The following ACAN variants were observed in gnomAD, a reference collection of about 807,000 sequenced individuals.
ACAN encodes aggrecan, also known as aggrecan core protein.
ACAN carries 47 observed loss-of-function variants against 169.1 expected under a neutral mutation model. That is an observed-to-expected ratio of 0.28 (90% CI 0.22 to 0.35). The LOEUF (loss-of-function observed/expected upper bound fraction) is 0.35, where lower values mean the gene tolerates loss of function less well. ACAN is among the 10% of genes least tolerant of loss of function. ACAN has a pLI of 1.00. For synonymous variants in ACAN, 1,115 were observed against 1,112.2 expected (o/e 1.00, Z -0.05); for missense variants, 2,716 against 2,759.9 (o/e 0.98, Z 0.36).
At chr15:88,842,846 T>A (rs184542637) in intron 5 of ACAN, among the ~76,000 whole-genome samples, 1 of 152,058 alleles carries the variant, frequency 6.6e-6, no homozygotes, top group East Asian at 1.9e-4. Flanking sequence ...TTTTGGGAAA[T>A]TTTTTTTAAG....
At position 88,851,439 on chromosome 15, in the gene ACAN, T is replaced by A; in HGVS notation, c.2027-355T>A. On this transcript the variant is annotated intron_variant, in intron 10 of 18. Coordinates refer to ENST00000560601, the MANE Select transcript of ACAN (RefSeq NM_001369268.1). The surrounding 1 kb of genome is among the most constrained non-coding windows in gnomAD (Gnocchi z 4.3). Reference sequence around the variant, plus strand: ...ATTGACTCTGGGCAAATCATGTAACTCTGTGCCTCAGTTTCCCCATCTGTA... The same window carrying A: ...ATTGACTCTGGGCAAATCATGTAACACTGTGCCTCAGTTTCCCCATCTGTA... 4.8e-6 allele frequency: 1 copy of A among 207,450 alleles called. No homozygotes were observed. The highest frequency in any genetic ancestry group is 1.2e-4 in the East Asian group (1 of 8,422). 12.9% of individuals were successfully genotyped at this position (207,450 alleles called of 1,614,324 possible).
rs777044543 is a variant in ACAN, at chr15:88,872,977, G to C, written c.7399G>C (p.Asp2467His). Reference sequence around the variant, plus strand: ...CTGGCACGAGAAGGGCGAGTGGAATGATGTTCCCTGCAATTACCACCTCCC... The same window carrying C: ...CTGGCACGAGAAGGGCGAGTGGAATCATGTTCCCTGCAATTACCACCTCCC... ...MIWHEKGEWN[D>H]VPCNYHLPFT... The change falls in exon 17 of 19, where the codon GAT becomes CAT. Residue 2467 changes from aspartate (D) to histidine (H), a missense_variant. Physicochemically the swap from Asp to His is moderately conservative, Grantham distance 81. Coordinates refer to ENST00000560601, the MANE Select transcript of ACAN (RefSeq NM_001369268.1). This position sits in a 1 kb window ranked among gnomAD's most constrained non-coding sequence, Gnocchi z 5.4. 2 of 1,613,712 alleles carry C rather than the reference G, an allele frequency of 1.2e-6. No homozygotes were observed. The highest frequency in any genetic ancestry group is 2.7e-5 in the African/African-American group (2 of 74,920).
intron 11 of ACAN, among the ~76,000 whole-genome samples, chr15:88,854,515 G>C (rs1220441065): frequency 1.3e-5 from 2 of 152,234 alleles, no homozygotes; most frequent in African/African-American, 4.8e-5. Flanking sequence ...CCAGTGGGTT[G>C]TGTGGATGGT....
In ACAN at chr15:88,873,053, G is replaced by A; in HGVS notation, c.7447+28G>A. On this transcript the variant is annotated intron_variant, in intron 17 of 18. Transcript: ENST00000560601. This position sits in a 1 kb window ranked among gnomAD's most constrained non-coding sequence, Gnocchi z 7.5. ...AAGCTGGCGCCTGGGAGGGGTCAGG[G>A]GAGGATAGGATCAAGACCTCCAGCT... 6.2e-7 allele frequency: 1 copy of A among 1,606,192 alleles called. No individual in the cohort carries two copies. Among genetic ancestry groups the A allele is most frequent in the Non-Finnish European group, 8.5e-7 (1 of 1,176,230 alleles).
intron 5 of ACAN, among the ~76,000 whole-genome samples, chr15:88,842,603 G>C (rs2062671618): frequency 6.6e-6 from 1 of 151,956 alleles, no homozygotes; most frequent in Admixed American, 6.5e-5. Context: ...GAGGGGCCCC[G>C]GCCAGGCTTT....
chr15:88,818,438 G>A (rs8026676), intron 1 of ACAN, among the ~76,000 whole-genome samples: 81,401 of 152,020 alleles, frequency 0.54, 22,441 homozygotes, highest in East Asian at 0.91. Flanking sequence ...CCTGGTAGGT[G>A]TGTGTCCTCA....
At chr15:88,854,796 A>G in intron 11 of ACAN, 56 bp from the exon 12 acceptor site, 2 of 1,363,404 alleles carry the variant, frequency 1.5e-6, no homozygotes, top group East Asian at 2.7e-5. Flanking sequence ...ATTTGAGCTT[A>G]AAGTGGGGCA....
intron 7 of ACAN, 48 bp from the exon 8 acceptor site, chr15:88,847,192 AGCT>A: frequency 6.7e-7 from 1 of 1,483,476 alleles, no homozygotes; most frequent in South Asian, 1.3e-5. Context: ...GAGCCTTGGA[AGCT>A]GCACACCGTG....
In ACAN at chr15:88,848,105, G is replaced by A. The variant is rs554153927; in HGVS notation, c.1732+67G>A. ...GGGGTGGGCAGGGAGCTGACAGGGC[G>A]ATACAAAGAAGAGAGGGGGTTACCA... is the stretch of plus-strand genomic sequence containing the variant. On this transcript the variant is annotated intron_variant, in intron 9 of 18. Coordinates refer to ENST00000560601, the MANE Select transcript of ACAN (RefSeq NM_001369268.1). 928 of 1,581,476 alleles carry A rather than the reference G, an allele frequency of 5.9e-4. 9 individuals are homozygous for A. The South Asian group carries it at 9.9e-3, about 17-fold the overall frequency.
chr15:88,836,230 C>T lies in ACAN; in HGVS notation c.24C>T (p.Phe8=), dbSNP rs1359613917. 9 of 1,613,734 alleles carry T rather than the reference C, an allele frequency of 5.6e-6. No homozygotes were observed. The highest frequency in any genetic ancestry group is 1.1e-5 in the South Asian group (1 of 91,024). MTTLLWV[F]VTLRVITAAV... is the part of the protein sequence containing the mutation. ...CTATGACCACTTTACTCTGGGTTTT[C>T]GTGACTCTGAGGGTCATCACTGCAG... is the stretch of plus-strand genomic sequence containing the variant. Residue 8 remains phenylalanine (F), a synonymous_variant, in exon 2 of 19, where the codon TTC becomes TTT. Coordinates refer to ENST00000560601, the MANE Select transcript of ACAN (RefSeq NM_001369268.1).
chr15:88,871,983 C>G lies in ACAN; in HGVS notation c.7220-20C>G. On this transcript the variant is annotated intron_variant, in intron 15 of 18. Coordinates refer to ENST00000560601, the MANE Select transcript of ACAN (RefSeq NM_001369268.1). The surrounding 1 kb of genome is among the most constrained non-coding windows in gnomAD (Gnocchi z 7.8). ...TCAGGGTGTCCAGTGTGATGCCTGA[C>G]ACCCTCACCCTTTCCCCAGACAATG... 1 of 1,604,274 alleles carries G rather than the reference C, an allele frequency of 6.2e-7. No individual in the cohort carries two copies. The highest frequency in any genetic ancestry group is 8.5e-7 in the Non-Finnish European group (1 of 1,170,888).
rs1242539157 is a variant in ACAN at position 88,838,425 on chromosome 15, A to G, written c.71-238A>G. Among the ~76,000 whole-genome samples, 1 of 152,010 alleles carries G rather than the reference A, an allele frequency of 6.6e-6. No individual in the cohort carries two copies. Among genetic ancestry groups the G allele is most frequent in the East Asian group, 1.9e-4 (1 of 5,182 alleles). On this transcript the variant is annotated intron_variant, in intron 2 of 18. Transcript: ENST00000560601. The surrounding 1 kb of genome is among the most constrained non-coding windows in gnomAD (Gnocchi z 5.1). The stretch of plus-strand genomic sequence containing the variant: ...CTCTGGAATCCTTTTCTAGCTCCAT[A>G]GTTTCTGTCTCGAGATGCAGAGGCC...
At chr15:88,863,332 A>C (rs1897234209) in intron 13 of ACAN, among the ~76,000 whole-genome samples, 1 of 152,084 alleles carries the variant, frequency 6.6e-6, no homozygotes, top group African/African-American at 2.4e-5. Context: ...TAGGCTTCAG[A>C]CTCTAAGGTT....
rs777559627 is a variant in ACAN at position 88,871,956 on chromosome 15, C to G, written c.7220-47C>G. 1 of 1,533,612 alleles carries G rather than the reference C, an allele frequency of 6.5e-7. No homozygotes were observed. Among genetic ancestry groups the G allele is most frequent in the Admixed American group, 1.7e-5 (1 of 59,914 alleles). On this transcript the variant is annotated intron_variant, in intron 15 of 18. Coordinates refer to ENST00000560601, the MANE Select transcript of ACAN (RefSeq NM_001369268.1). The surrounding 1 kb of genome is among the most constrained non-coding windows in gnomAD (Gnocchi z 7.8). ...CCGTGAGCTCAAGTTTCTCAGACACCCTCAGGGTGTCCAGTGTGATGCCTG... is the reference window on the plus strand; with the variant it reads ...CCGTGAGCTCAAGTTTCTCAGACACGCTCAGGGTGTCCAGTGTGATGCCTG...
chr15:88,852,259 C>A (rs1334321275), intron 11 of ACAN, among the ~76,000 whole-genome samples: 1 of 152,200 alleles, frequency 6.6e-6, no homozygotes, highest in African/African-American at 2.4e-5. Context: ...TTTTTTATTA[C>A]ACATTTACTT....
At chr15:88,848,787 T>G (rs909827192) in intron 9 of ACAN, among the ~76,000 whole-genome samples, 3 of 152,250 alleles carry the variant, frequency 2.0e-5, no homozygotes, top group Non-Finnish European at 2.9e-5. Flanking sequence ...ACTTAACCTC[T>G]CTAGGCCTCA....
At chr15:88,840,506 A>G (rs8033456) in intron 4 of ACAN, among the ~76,000 whole-genome samples, 25,246 of 152,030 alleles carry the variant, frequency 0.17, 2,417 homozygotes, top group South Asian at 0.28. Context: ...CTGTATTTTT[A>G]TAAACAAACT....
At chr15:88,808,282 G>C (rs1229243373) in intron 1 of ACAN, among the ~76,000 whole-genome samples, 2 of 152,208 alleles carry the variant, frequency 1.3e-5, no homozygotes, top group Non-Finnish European at 2.9e-5. Context: ...CCAGGCTGCT[G>C]CCCCAGAGCA....
Position 88,861,377 on chromosome 15 carries a change from C to T in ACAN, c.6946+938C>T, listed in dbSNP as rs186821044. Among the ~76,000 whole-genome samples the T allele has an allele frequency of 1.8e-4, 28 of 152,206 alleles. No individual in the cohort carries two copies. In the East Asian group the frequency reaches 2.9e-3, roughly 16 times the overall value. ...CCTGGAGAAAAAACAATCACTTCCA[C>T]GTAAACCTCATGTCGGGCAATTATC... On this transcript the variant is annotated intron_variant, in intron 13 of 18. Coordinates refer to ENST00000560601, the MANE Select transcript of ACAN (RefSeq NM_001369268.1). This position sits in a 1 kb window ranked among gnomAD's most constrained non-coding sequence, Gnocchi z 6.3.
Sources: gnomAD v4.1 joint callset for allele counts (sites outside exome capture counted in the v4.1 genomes callset) on GRCh38, gnomAD v4.1.1 for gene constraint, Gnocchi (gnomAD v3.1) non-coding constraint, MANE v1.5 for transcripts, NCBI Gene and HGNC (gene_info 2026-07-23, HGNC 2026-07-21) for gene names.